NSUN6: variants seen among roughly 807,000 people sequenced by gnomAD.
NSUN6 encodes tRNA (cytosine(72)-C(5))-methyltransferase NSUN6.
A neutral mutation model predicts 58.0 loss-of-function variants in NSUN6; 64 were observed. The observed-to-expected ratio is 1.10, with a 90% CI of 0.90 to 1.36. The LOEUF is 1.36. Among genes scored for constraint, NSUN6 ranks in the 40% most tolerant of loss-of-function variants. The pLI, the probability that NSUN6 is intolerant of heterozygous loss-of-function variation, is 0.00. For synonymous variants in NSUN6, 231 were observed against 193.9 expected, an observed-to-expected ratio of 1.19 and a Z score of -1.59; for missense variants, 701 against 550.1, an observed-to-expected ratio of 1.27 and a Z score of -2.74.
In NSUN6 at chr10:18,616,185, TTGTGATGC is replaced by T. The variant is rs774344067; in HGVS notation, c.412_419del (p.Ala138IlefsTer13). The T allele has an allele frequency of 1.3e-6, 2 of 1,484,524 alleles. No individual in the cohort carries two copies. The highest frequency in any genetic ancestry group is 1.9e-6 in the Non-Finnish European group (2 of 1,063,192). The allele number at this position is 1,484,524 out of a possible 1,614,324, so 92.0% of individuals were successfully genotyped here. ...GACAAATCTAAACATTATACTTACA[TTGTGATGC>T]TGACACAATTCCTGGGGCATAGACA... On this transcript the variant is annotated frameshift_variant and splice_region_variant, in exon 4 of 11. Transcript: ENST00000377304. LOFTEE classifies it high-confidence loss of function.
At position 18,651,301 on chromosome 10, in the gene NSUN6, C is replaced by T; in HGVS notation, c.-98G>A. ...ATTAATAGTGACGAGTGTCTTGACACCAGATGCTGAGGAAAATCTTGCCGA... is the reference window on the plus strand; with the variant it reads ...ATTAATAGTGACGAGTGTCTTGACATCAGATGCTGAGGAAAATCTTGCCGA... On this transcript the variant is annotated 5_prime_UTR_variant, in exon 1 of 11. It adds an upstream start codon to the 5' untranslated region. Coordinates refer to ENST00000377304, the MANE Select transcript of NSUN6 (RefSeq NM_182543.5). 2 of 1,433,030 alleles carry T rather than the reference C, an allele frequency of 1.4e-6. No individual in the cohort carries two copies. The highest frequency in any genetic ancestry group is 3.1e-5 in the South Asian group (2 of 64,190). 88.8% of individuals were successfully genotyped at this position (1,433,030 alleles called of 1,614,324 possible).
chr10:18,590,812 C>A (rs779788454), intron 7 of NSUN6, among the ~76,000 whole-genome samples: 1 of 152,144 alleles, frequency 6.6e-6, no homozygotes, highest in Non-Finnish European at 1.5e-5. Context: ...CTGGAAAGAT[C>A]TGAAATCGAC....
rs2055167687 is a variant in NSUN6, at chr10:18,557,908, G to C, written c.923-5937C>G. On this transcript the variant is annotated intron_variant, in intron 8 of 10. Coordinates refer to ENST00000377304, the MANE Select transcript of NSUN6 (RefSeq NM_182543.5). ...ATGGAATGAAATGAAGAATGGAATG[G>C]AGAATGGTGTGGAATGGAAGGGAAA... Among the ~76,000 whole-genome samples the C allele has an allele frequency of 2.0e-5, 3 of 151,502 alleles. No individual in the cohort carries two copies. The Admixed American group carries it at 2.0e-4, about 10-fold the overall frequency.
chr10:18,584,314 T>C (rs919410482), intron 8 of NSUN6, among the ~76,000 whole-genome samples: 1 of 152,230 alleles, frequency 6.6e-6, no homozygotes, highest in African/African-American at 2.4e-5. Context: ...TATAAAAGTT[T>C]CCGCTTTCTG....
At chr10:18,629,565 C>T (rs1282972992) in intron 3 of NSUN6, among the ~76,000 whole-genome samples, 1 of 127,094 alleles carries the variant, frequency 7.9e-6, no homozygotes, top group African/African-American at 2.8e-5. Flanking sequence ...GGAAGATCTA[C>T]CAAGCTAATG....
intron 7 of NSUN6, among the ~76,000 whole-genome samples, chr10:18,590,471 T>C (rs191267338): frequency 6.6e-6 from 1 of 152,330 alleles, no homozygotes; most frequent in African/African-American, 2.4e-5. Context: ...CAGTGCCACA[T>C]GGCACTTATT....
rs1412653841 is a variant in NSUN6 at position 18,552,167 on chromosome 10, G to A, written c.923-196C>T. ...TTGATGTGGTAGAAAGGTTTAAAATGTAGTTATAGTTGAAAAGTTATTCTG... is the reference window on the plus strand; with the variant it reads ...TTGATGTGGTAGAAAGGTTTAAAATATAGTTATAGTTGAAAAGTTATTCTG... On this transcript the variant is annotated intron_variant, in intron 8 of 10. Coordinates refer to ENST00000377304, the MANE Select transcript of NSUN6 (RefSeq NM_182543.5). 5.2e-5 allele frequency among the ~76,000 whole-genome samples: 4 copies of A among 76,344 alleles called. No individual in the cohort carries two copies. In the East Asian group the frequency reaches 2.7e-3, roughly 52 times the overall value. The allele number at this position is 76,344 out of a possible 152,430, so 50.1% of individuals were successfully genotyped here.
intron 3 of NSUN6, among the ~76,000 whole-genome samples, chr10:18,625,208 C>T (rs1299791582): frequency 1.3e-5 from 2 of 152,168 alleles, no homozygotes; most frequent in East Asian, 1.9e-4. Flanking sequence ...TTGGTGTGAC[C>T]GTATGCTAGG....
chr10:18,551,291 T>TGTGTGG (rs1230236829), intron 9 of NSUN6, among the ~76,000 whole-genome samples: 28 of 148,890 alleles, frequency 1.9e-4, no homozygotes, highest in African/African-American at 6.5e-4. Flanking sequence ...TGTGTGTGTG[T>TGTGTGG]GGTAAAATAT....
chr10:18,568,324 T>G (rs1468741743), intron 8 of NSUN6, among the ~76,000 whole-genome samples: 3 of 151,186 alleles, frequency 2.0e-5, no homozygotes, highest in Non-Finnish European at 4.4e-5. Context: ...CCGCATTCCA[T>G]TCTATTATCC....
At chr10:18,617,107 T>C (rs1305005610) in intron 3 of NSUN6, among the ~76,000 whole-genome samples, 1 of 152,064 alleles carries the variant, frequency 6.6e-6, no homozygotes, top group Non-Finnish European at 1.5e-5. Flanking sequence ...TCACCTTGCA[T>C]TCTATCCCTT....
chr10:18,659,003 T>G (rs1438946555), upstream of NSUN6, among the ~76,000 whole-genome samples: 1 of 152,236 alleles, frequency 6.6e-6, no homozygotes, highest in African/African-American at 2.4e-5. Flanking sequence ...TCTTCACTTC[T>G]GTGAGTTTTC....
At chr10:18,626,249 A>G (rs2131432619) in intron 3 of NSUN6, among the ~76,000 whole-genome samples, 1 of 151,878 alleles carries the variant, frequency 6.6e-6, no homozygotes. Flanking sequence ...AAAAAAAAAC[A>G]GAAAAACTGG....
intron 6 of NSUN6, among the ~76,000 whole-genome samples, chr10:18,604,012 T>C (rs980164748): frequency 2.6e-5 from 4 of 152,014 alleles, no homozygotes; most frequent in Non-Finnish European, 5.9e-5. Flanking sequence ...TGAAACCCTG[T>C]CTCTGCTAAA....
intron 9 of NSUN6, 62 bp from the exon 10 acceptor site, chr10:18,548,299 T>C (rs531357079): frequency 4.1e-4 from 594 of 1,438,464 alleles, no homozygotes; most frequent in Non-Finnish European, 5.2e-4. Flanking sequence ...TGAATGAATT[T>C]CAAAGCAAAA....
intron 3 of NSUN6, among the ~76,000 whole-genome samples, chr10:18,616,498 C>A (rs2058416038): frequency 1.3e-5 from 2 of 152,098 alleles, no homozygotes; most frequent in Admixed American, 6.6e-5. Flanking sequence ...AGAAAAAAAT[C>A]AAGAGGTCCA....
intron 3 of NSUN6, among the ~76,000 whole-genome samples, chr10:18,632,014 G>C (rs948182758): frequency 4.0e-5 from 6 of 151,526 alleles, no homozygotes; most frequent in African/African-American, 1.2e-4. Flanking sequence ...ATACTACAAG[G>C]CTACAGTAAC....
chr10:18,575,633 C>A (rs1325580985), intron 8 of NSUN6, among the ~76,000 whole-genome samples: 2 of 152,130 alleles, frequency 1.3e-5, no homozygotes, highest in Admixed American at 6.6e-5. Flanking sequence ...ATGAATCAGA[C>A]CTTAAAGAAC....
chr10:18,641,369 C>CA lies in NSUN6; in HGVS notation c.311+1106_311+1107insT, dbSNP rs1554886385. On this transcript the variant is annotated intron_variant, in intron 3 of 10. Coordinates refer to ENST00000377304, the MANE Select transcript of NSUN6 (RefSeq NM_182543.5). ...ATTATACTATGAAAACTTATTTTTC[C>CA]TTTTTTTTTTTTTTGAGACAAGGTC... Among the ~76,000 whole-genome samples the CA allele has an allele frequency of 1.8e-4, 26 of 141,812 alleles. 1 individual carries two copies. The highest frequency in any genetic ancestry group is 6.2e-4 in the African/African-American group (24 of 38,916). The allele number at this position is 141,812 out of a possible 152,430, so 93.0% of individuals were successfully genotyped here. A position where few individuals can be genotyped will look rare whatever the true frequency, so the allele number is the denominator to read the frequency against.
Sources: allele counts gnomAD v4.1 joint callset (sites outside exome capture counted in the v4.1 genomes callset), GRCh38; gene constraint gnomAD v4.1.1; transcripts MANE v1.5; gene names NCBI Gene and HGNC (gene_info 2026-07-23, HGNC 2026-07-21).